The following PJA2 variants were observed in gnomAD, a reference collection of about 807,000 sequenced individuals.
The protein encoded by PJA2 is E3 ubiquitin-protein ligase Praja-2.
Under a neutral mutation model 69.3 loss-of-function variants are expected in PJA2, and 25 were observed. The ratio of observed to expected loss-of-function variants is 0.36; its 90% CI spans 0.26 to 0.50. The LOEUF is 0.50. PJA2 is among the 20% of genes least tolerant of loss of function. The pLI is 0.96. For missense variants in PJA2, 809 were observed against 830.2 expected, an observed-to-expected ratio of 0.97 and a Z score of 0.31; for synonymous variants, 308 against 277.8, an observed-to-expected ratio of 1.11 and a Z score of -1.08.
At chr5:109,397,694 T>G (rs3792800) in intron 1 of PJA2, among the ~76,000 whole-genome samples, 22,557 of 151,436 alleles carry the variant, frequency 0.15, 2,839 homozygotes, top group East Asian at 0.34. Context: ...ATTTTTTGTT[T>G]TTTTTTTCTA....
Position 109,379,456 on chromosome 5 carries a change from T to A in PJA2, c.233-202A>T, listed in dbSNP as rs147685110. Among the ~76,000 whole-genome samples the A allele has an allele frequency of 1.5e-3, 231 of 152,312 alleles. 1 individual carries two copies. Among genetic ancestry groups the A allele is most frequent in the African/African-American group, 5.4e-3 (226 of 41,570 alleles). On this transcript the variant is annotated intron_variant, in intron 3 of 9. Transcript: ENST00000361189. The stretch of plus-strand genomic sequence containing the variant: ...AGTTCATTTATGTCAATGTACAGCC[T>A]TTCACTATCATCTCCCTCACATGGC...
At chr5:109,395,569 C>G (rs1264967749) in intron 1 of PJA2, among the ~76,000 whole-genome samples, 1 of 152,094 alleles carries the variant, frequency 6.6e-6, no homozygotes, top group African/African-American at 2.4e-5. Context: ...AAACAATAGG[C>G]CCACAGGTCT....
intron 1 of PJA2, among the ~76,000 whole-genome samples, chr5:109,406,040 A>ATT (rs35924063): frequency 5.3e-4 from 55 of 103,414 alleles, no homozygotes; most frequent in Non-Finnish European, 7.8e-4. Flanking sequence ...AGACAAACCC[A>ATT]TTTTTTTTTT....
chr5:109,407,715 G>A (rs191383569), intron 1 of PJA2, among the ~76,000 whole-genome samples: 156 of 152,158 alleles, frequency 1.0e-3, no homozygotes, highest in Non-Finnish European at 2.0e-3. Context: ...AGAAAACAGA[G>A]AGAGAGAAAT....
At chr5:109,374,854 G>A (rs1416087673) in intron 4 of PJA2, among the ~76,000 whole-genome samples, 1 of 151,994 alleles carries the variant, frequency 6.6e-6, no homozygotes. Context: ...TTGCTGAAAG[G>A]TTTTTTTTAA....
At chr5:109,353,342 TATC>T (rs200481074) in intron 7 of PJA2, among the ~76,000 whole-genome samples, 13 of 141,824 alleles carry the variant, frequency 9.2e-5, no homozygotes, top group Non-Finnish European at 1.5e-4. Flanking sequence ...ATACCTATAA[TATC>T]ATAGACATCT....
chr5:109,351,960 A>T (rs1484342817), intron 7 of PJA2, among the ~76,000 whole-genome samples: 1 of 152,224 alleles, frequency 6.6e-6, no homozygotes, highest in Non-Finnish European at 1.5e-5. Flanking sequence ...ATTTCTGAAG[A>T]GTGACAGGAA....
At chr5:109,359,474 C>T (rs1316876756) in intron 6 of PJA2, among the ~76,000 whole-genome samples, 1 of 152,292 alleles carries the variant, frequency 6.6e-6, no homozygotes, top group Admixed American at 6.5e-5. Flanking sequence ...TTTTATATCA[C>T]CAGTAATGGG....
chr5:109,381,447 T>A, intron 3 of PJA2, 56 bp downstream of exon 3: 1 of 1,470,490 alleles, frequency 6.8e-7, no homozygotes, highest in African/African-American at 1.4e-5. Context: ...AATTTAATTA[T>A]AAGATCAATT....
chr5:109,347,751 C>T (rs1408570031), intron 7 of PJA2, among the ~76,000 whole-genome samples: 2 of 152,242 alleles, frequency 1.3e-5, no homozygotes, highest in African/African-American at 4.8e-5. Context: ...AAGTAGAGTG[C>T]TCCATCTCAG....
intron 1 of PJA2, among the ~76,000 whole-genome samples, chr5:109,384,298 G>T (rs1176642267): frequency 6.6e-6 from 1 of 152,142 alleles, no homozygotes; most frequent in Non-Finnish European, 1.5e-5. Context: ...TAATTAATGT[G>T]TGTAAATAAT....
intron 1 of PJA2, among the ~76,000 whole-genome samples, chr5:109,406,937 G>A (rs1747704102): frequency 6.6e-6 from 1 of 152,134 alleles, no homozygotes; most frequent in African/African-American, 2.4e-5. Context: ...ATACAAAAGA[G>A]TATGTATTAC....
At position 109,379,147 on chromosome 5, in the gene PJA2, C is replaced by G. The variant is rs971540264; in HGVS notation, c.340G>C (p.Glu114Gln). Residue 114 changes from glutamate (E) to glutamine (Q), a missense_variant, in exon 4 of 10, where the codon GAG (glutamate) becomes CAG (glutamine). Glu to Gln is a conservative substitution (Grantham distance 29). Transcript: ENST00000361189. ...TCGSALNQTT[E>Q]SSQSFVAVHH... ...ACTGCAACAAAGGATTGACTGCTCT[C>G]AGTGGTTTGATTCAATGCTGAACCA... is the stretch of plus-strand genomic sequence containing the variant. 1.8e-5 allele frequency: 29 copies of G among 1,614,008 alleles called. No individual in the cohort carries two copies. In the Admixed American group the frequency reaches 3.2e-4, roughly 18 times the overall value.
Position 109,383,267 on chromosome 5 carries a change from AAT to A in PJA2, c.31+134_31+135del, listed in dbSNP as rs1747091136. The A allele has an allele frequency of 6.4e-6, 4 of 625,804 alleles. No homozygotes were observed. The Admixed American group carries it at 9.2e-5, about 14-fold the overall frequency. 38.8% of individuals were successfully genotyped at this position (625,804 alleles called of 1,614,324 possible). ...CAAAAATTAGAAACTAAGCTTTACA[AAT>A]ATTCAATATATGGATCAAAACCAGC... On this transcript the variant is annotated intron_variant, in intron 2 of 9. Coordinates refer to ENST00000361189, the MANE Select transcript of PJA2 (RefSeq NM_014819.5).
chr5:109,378,782 A>G lies in PJA2; in HGVS notation c.705T>C (p.Ser235=). The stretch of plus-strand genomic sequence containing the variant: ...CAGCAGAACTTTTCACTAATGGTAC[A>G]GAATCTAACTCTTCAAACTCATCTC... ...EVRDEFEELD[S]VPLVKSSAGD... The change falls in exon 4 of 10, where the codon TCT becomes TCC. Residue 235 remains serine (S), a synonymous_variant. Coordinates refer to ENST00000361189, the MANE Select transcript of PJA2 (RefSeq NM_014819.5). The G allele has an allele frequency of 6.2e-7, 1 of 1,612,624 alleles. No individual in the cohort carries two copies. Among genetic ancestry groups the G allele is most frequent in the Non-Finnish European group, 8.5e-7 (1 of 1,180,008 alleles).
At chr5:109,357,848 T>C (rs557695453) in intron 6 of PJA2, among the ~76,000 whole-genome samples, 1 of 152,356 alleles carries the variant, frequency 6.6e-6, no homozygotes, top group African/African-American at 2.4e-5. Context: ...GCAAAAAAAC[T>C]CTTCAAACGA....
chr5:109,399,864 C>G lies in PJA2; in HGVS notation c.-88+9978G>C, dbSNP rs147175461. ...AAAGGCTCTAGCACAAAGGTAGGAA[C>G]ATGCATCAACTCATGAGAAATTTCA... is the stretch of plus-strand genomic sequence containing the variant. On this transcript the variant is annotated intron_variant, in intron 1 of 9. Coordinates refer to ENST00000361189, the MANE Select transcript of PJA2 (RefSeq NM_014819.5). Among the ~76,000 whole-genome samples the G allele has an allele frequency of 4.9e-4, 75 of 152,176 alleles. 1 individual carries two copies. In the East Asian group the frequency reaches 0.01, roughly 21 times the overall value.
intron 1 of PJA2, among the ~76,000 whole-genome samples, chr5:109,396,365 TCAG>T (rs1747408663): frequency 6.6e-6 from 1 of 151,648 alleles, no homozygotes; most frequent in Non-Finnish European, 1.5e-5. Context: ...TGGTGAAATG[TCAG>T]CATCATTTTC....
In PJA2 at chr5:109,380,665, C is replaced by T. The variant is rs1417206218; in HGVS notation, c.232+838G>A. Among the ~76,000 whole-genome samples the T allele has an allele frequency of 2.6e-5, 4 of 151,618 alleles. 1 individual carries two copies. In the South Asian group the frequency reaches 6.2e-4, roughly 24 times the overall value. On this transcript the variant is annotated intron_variant, in intron 3 of 9. Coordinates refer to ENST00000361189, the MANE Select transcript of PJA2 (RefSeq NM_014819.5). The stretch of plus-strand genomic sequence containing the variant: ...TCTACCAAAAAATACAAAAATTAGG[C>T]GTGGAGGCGCATGCCTGTAGTCCCA...
Sources: gnomAD v4.1 joint callset for allele counts (sites outside exome capture counted in the v4.1 genomes callset) on GRCh38, gnomAD v4.1.1 for gene constraint, MANE v1.5 for transcripts, NCBI Gene and HGNC (gene_info 2026-07-23, HGNC 2026-07-21) for gene names.